The following FHIT variants were observed in gnomAD, a reference collection of about 807,000 sequenced individuals.
FHIT encodes bis(5'-adenosyl)-triphosphatase.
FHIT carries 19 observed loss-of-function variants against 17.9 expected under a neutral mutation model. The observed-to-expected ratio is 1.06, with a 90% CI of 0.74 to 1.56. The LOEUF (loss-of-function observed/expected upper bound fraction) is 1.56, where lower values mean the gene tolerates loss of function less well. FHIT is among the 40% of genes most tolerant of loss of function. The pLI is 0.00. For missense variants in FHIT, 248 were observed against 189.2 expected (o/e 1.31, Z -1.82); for synonymous variants, 81 against 69.7 (o/e 1.16, Z -0.81).
At chr3:60,932,305 G>A (rs1300441029) in intron 3 of FHIT, among the ~76,000 whole-genome samples, 2 of 152,096 alleles carry the variant, frequency 1.3e-5, no homozygotes. Flanking sequence ...CTGGTGTTCT[G>A]ATTTTCCTCC....
chr3:60,054,006 C>T (rs576149088), intron 5 of FHIT, among the ~76,000 whole-genome samples: 188 of 152,212 alleles, frequency 1.2e-3, no homozygotes, highest in Middle Eastern at 6.8e-3. Context: ...CAAGTGATTA[C>T]TCTGGAAAAG....
chr3:60,524,808 G>A (rs563150658), intron 5 of FHIT, among the ~76,000 whole-genome samples: 1 of 152,242 alleles, frequency 6.6e-6, no homozygotes, highest in Non-Finnish European at 1.5e-5. Flanking sequence ...TTGGATGTAG[G>A]ATTTGCCTGG....
chr3:59,946,492 T>C (rs1198617426), intron 7 of FHIT, among the ~76,000 whole-genome samples: 1 of 152,226 alleles, frequency 6.6e-6, no homozygotes, highest in Non-Finnish European at 1.5e-5. Flanking sequence ...CCCGTCTTGC[T>C]ATTTATATGC....
At chr3:60,272,224 T>C (rs796357992) in intron 5 of FHIT, among the ~76,000 whole-genome samples, 6 of 152,324 alleles carry the variant, frequency 3.9e-5, no homozygotes, top group African/African-American at 1.2e-4. Context: ...GTGGTATTTA[T>C]ACAATTAACT....
chr3:60,919,826 G>C (rs1441749644), intron 3 of FHIT, among the ~76,000 whole-genome samples: 1 of 152,116 alleles, frequency 6.6e-6, no homozygotes, highest in East Asian at 1.9e-4. Flanking sequence ...ACAAGGTCAG[G>C]AGATCGAGAC....
intron 8 of FHIT, among the ~76,000 whole-genome samples, chr3:59,785,217 G>C (rs566205341): frequency 5.3e-5 from 8 of 152,060 alleles, no homozygotes; most frequent in Non-Finnish European, 8.8e-5. Flanking sequence ...ATGAGATTTG[G>C]TGGGGACACA....
rs147211498 is a variant in FHIT at position 59,752,273 on chromosome 3, C to T, written c.397G>A (p.Glu133Lys). Residue 133 changes from glutamate (E) to lysine (K), a missense_variant, in exon 9 of 10, where the codon GAG becomes AAG. By Grantham distance (56) the Glu-to-Lys change is moderately conservative. Coordinates refer to ENST00000492590, the MANE Select transcript of FHIT (RefSeq NM_002012.4). ...EDFPASWRSE[E>K]EMAAEAAALR... ...GCTGCGGCTTCTGCTGCCATTTCCT[C>T]CTCTGATCTCCAAGAGGCAGGAAAG... The T allele has an allele frequency of 2.0e-4, 315 of 1,613,248 alleles. No homozygotes were observed. Among genetic ancestry groups the T allele is most frequent in the South Asian group, 1.3e-3 (116 of 91,022 alleles).
chr3:60,335,161 AAAG>A (rs1229711270), intron 5 of FHIT, among the ~76,000 whole-genome samples: 1 of 152,234 alleles, frequency 6.6e-6, no homozygotes, highest in Non-Finnish European at 1.5e-5. Flanking sequence ...AGGAAAAAAT[AAAG>A]TAGTTCACAG....
chr3:61,089,764 C>T (rs1166895669), intron 2 of FHIT, among the ~76,000 whole-genome samples: 1 of 152,042 alleles, frequency 6.6e-6, no homozygotes, highest in African/African-American at 2.4e-5. Context: ...CAAATTATCC[C>T]CCCATAACCA....
At chr3:60,468,858 G>T (rs1456885537) in intron 5 of FHIT, among the ~76,000 whole-genome samples, 1 of 152,016 alleles carries the variant, frequency 6.6e-6, no homozygotes, top group African/African-American at 2.4e-5. Flanking sequence ...TTTCTTGCAG[G>T]ATAGTTCTGG....
At chr3:60,301,381 A>G (rs1708454185) in intron 5 of FHIT, among the ~76,000 whole-genome samples, 1 of 152,156 alleles carries the variant, frequency 6.6e-6, no homozygotes, top group Admixed American at 6.6e-5. Context: ...ATGACTCATG[A>G]AACAAGTACA....
chr3:60,410,985 A>G (rs1208913086), intron 5 of FHIT, among the ~76,000 whole-genome samples: 1 of 152,202 alleles, frequency 6.6e-6, no homozygotes, highest in Non-Finnish European at 1.5e-5. Flanking sequence ...AGGCAGATAG[A>G]AAAATTGGAG....
At chr3:60,752,616 T>C (rs1448474323) in intron 4 of FHIT, among the ~76,000 whole-genome samples, 1 of 152,208 alleles carries the variant, frequency 6.6e-6, no homozygotes, top group African/African-American at 2.4e-5. Flanking sequence ...ACATTCCACT[T>C]GTGTAGGTTT....
At chr3:61,211,697 G>A (rs568364983) in intron 1 of FHIT, among the ~76,000 whole-genome samples, 105 of 152,364 alleles carry the variant, frequency 6.9e-4, no homozygotes, top group African/African-American at 2.5e-3. Context: ...TGGGGAGACT[G>A]CCTCCTCAAG....
intron 3 of FHIT, among the ~76,000 whole-genome samples, chr3:60,867,605 C>T (rs1704222584): frequency 6.6e-6 from 1 of 152,212 alleles, no homozygotes; most frequent in Admixed American, 6.5e-5. Context: ...CTGCACATCT[C>T]AGCCTCTTAT....
chr3:60,553,736 G>A (rs1009589005), intron 4 of FHIT, among the ~76,000 whole-genome samples: 1 of 151,940 alleles, frequency 6.6e-6, no homozygotes, highest in South Asian at 2.1e-4. Flanking sequence ...ACCAAACACA[G>A]GTGATGAATA....
At chr3:60,567,973 G>A (rs4679549) in intron 4 of FHIT, among the ~76,000 whole-genome samples, 57,731 of 151,994 alleles carry the variant, frequency 0.38, 11,272 homozygotes, top group Admixed American at 0.49. Context: ...TGCTGGAGAG[G>A]ATGTGGAGAA....
intron 3 of FHIT, among the ~76,000 whole-genome samples, chr3:60,898,549 T>C (rs993069166): frequency 3.3e-5 from 5 of 152,194 alleles, no homozygotes; most frequent in Admixed American, 2.6e-4. Flanking sequence ...TAAACAACAG[T>C]GTAAAGTTCT....
chr3:59,852,823 A>C (rs1307853518), intron 8 of FHIT, among the ~76,000 whole-genome samples: 1 of 152,114 alleles, frequency 6.6e-6, no homozygotes, highest in African/African-American at 2.4e-5. Context: ...ATATACATTT[A>C]AGTTTCCGCC....
Sources: gnomAD v4.1 joint callset for allele counts (sites outside exome capture counted in the v4.1 genomes callset) on GRCh38, gnomAD v4.1.1 for gene constraint, MANE v1.5 for transcripts, NCBI Gene and HGNC (gene_info 2026-07-23, HGNC 2026-07-21) for gene names.